OSBPL6: variants seen among roughly 807,000 people sequenced by gnomAD.
OSBPL6 encodes oxysterol-binding protein-related protein 6.
A neutral mutation model predicts 125.8 loss-of-function variants in OSBPL6; 49 were observed. That is an observed-to-expected ratio of 0.39 (90% CI 0.31 to 0.49). OSBPL6 has a LOEUF of 0.49. Ranked by LOEUF, OSBPL6 falls within the 20% of genes least tolerant of loss-of-function variation. OSBPL6 has a pLI of 0.88. For synonymous variants in OSBPL6, 394 were observed against 391.8 expected, an observed-to-expected ratio of 1.01 and a Z score of -0.07; for missense variants, 986 against 1,135.4, an observed-to-expected ratio of 0.87 and a Z score of 1.89.
chr2:178,292,761 C>G (rs1445541565), intron 2 of OSBPL6, among the ~76,000 whole-genome samples: 1 of 152,056 alleles, frequency 6.6e-6, no homozygotes, highest in Non-Finnish European at 1.5e-5. Flanking sequence ...TCTCTGGAGA[C>G]AGACAGTAAG....
At chr2:178,280,531 G>T (rs973730412) in intron 1 of OSBPL6, among the ~76,000 whole-genome samples, 1 of 152,110 alleles carries the variant, frequency 6.6e-6, no homozygotes, top group Non-Finnish European at 1.5e-5. Context: ...CAGAATATTC[G>T]CATGAACATT....
chr2:178,217,941 G>T (rs186580231), intron 1 of OSBPL6, among the ~76,000 whole-genome samples: 2 of 152,178 alleles, frequency 1.3e-5, no homozygotes, highest in Non-Finnish European at 2.9e-5. Context: ...GAGGACTTCC[G>T]TGTCCTCACT....
intron 4 of OSBPL6, among the ~76,000 whole-genome samples, chr2:178,326,026 A>G (rs538850004): frequency 3.3e-5 from 5 of 152,204 alleles, no homozygotes; most frequent in African/African-American, 1.2e-4. Flanking sequence ...AGAGGGCCAT[A>G]TCTAACCCAG....
At chr2:178,312,005 G>A (rs1478971041) in intron 3 of OSBPL6, among the ~76,000 whole-genome samples, 1 of 152,092 alleles carries the variant, frequency 6.6e-6, no homozygotes, top group African/African-American at 2.4e-5. Flanking sequence ...AAATTGAAAT[G>A]GCGTCTTAGT....
chr2:178,273,238 T>C (rs369651191), intron 1 of OSBPL6, among the ~76,000 whole-genome samples: 2 of 152,186 alleles, frequency 1.3e-5, no homozygotes, highest in African/African-American at 2.4e-5. Flanking sequence ...GGATCTCTAA[T>C]AGTAGGCTAA....
rs201891138 is a variant in OSBPL6, at chr2:178,332,990, G to A, written c.606G>A (p.Thr202=). Residue 202 remains threonine (T), a synonymous_variant, in exon 8 of 25, where the codon ACG becomes ACA. Coordinates refer to ENST00000190611, the MANE Select transcript of OSBPL6 (RefSeq NM_032523.4). ...CTAGTTTTCACATATTTCCTTCAACGTCCACAGCTGAATCCTCACCAGCTG... is the reference window on the plus strand; with the variant it reads ...CTAGTTTTCACATATTTCCTTCAACATCCACAGCTGAATCCTCACCAGCTG... The part of the protein sequence containing the change: ...RDASFHIFPS[T]STAESSPAAN... 65 of 1,614,100 alleles carry A rather than the reference G, an allele frequency of 4.0e-5. No individual in the cohort carries two copies. In the Admixed American group the frequency reaches 4.7e-4, roughly 12 times the overall value.
At position 178,398,645 on chromosome 2, in the gene OSBPL6, T is replaced by G. The variant is rs538403906; in HGVS notation, c.*3086T>G. The G allele has an allele frequency of 1.3e-5, 2 of 152,358 alleles. No individual in the cohort carries two copies. Among genetic ancestry groups the G allele is most frequent in the South Asian group, 4.1e-4 (2 of 4,832 alleles). 9.4% of individuals were successfully genotyped at this position (152,358 alleles called of 1,614,324 possible). On this transcript the variant is annotated 3_prime_UTR_variant, in exon 25 of 25. Transcript: ENST00000190611. ...AAATAAACCTTATTTAAGATAACTT[T>G]TAATGGTACATATCAACTATATGTG...
rs893789532 is a variant in OSBPL6, at chr2:178,209,114, C to A, written c.-351+14440C>A. Among the ~76,000 whole-genome samples the A allele has an allele frequency of 4.6e-5, 7 of 152,244 alleles. No individual in the cohort carries two copies. The East Asian group carries it at 1.3e-3, about 29-fold the overall frequency. On this transcript the variant is annotated intron_variant, in intron 1 of 24. Coordinates refer to ENST00000190611, the MANE Select transcript of OSBPL6 (RefSeq NM_032523.4). Reference sequence around the variant, plus strand: ...CAATCTTTTGTCCGTCTTTGGTGTGCCGTTTCAGTCTGGAAAATTAAGGTC... The same window carrying A: ...CAATCTTTTGTCCGTCTTTGGTGTGACGTTTCAGTCTGGAAAATTAAGGTC...
At chr2:178,306,496 C>A (rs188019714) in intron 3 of OSBPL6, among the ~76,000 whole-genome samples, 12 of 152,302 alleles carry the variant, frequency 7.9e-5, no homozygotes, top group Admixed American at 7.2e-4. Flanking sequence ...AGAAGGCAGA[C>A]ACAGAAGGCT....
At chr2:178,301,880 T>C (rs1406556962) in intron 2 of OSBPL6, among the ~76,000 whole-genome samples, 1 of 152,116 alleles carries the variant, frequency 6.6e-6, no homozygotes, top group Non-Finnish European at 1.5e-5. Context: ...GACATGTAAA[T>C]GAGCTAAAAA....
chr2:178,265,293 C>A lies in OSBPL6; in HGVS notation c.-350-19634C>A, dbSNP rs541286626. 2.1e-5 allele frequency among the ~76,000 whole-genome samples: 3 copies of A among 139,608 alleles called. No individual in the cohort carries two copies. The South Asian group carries it at 7.3e-4, about 34-fold the overall frequency. 91.6% of individuals were successfully genotyped at this position (139,608 alleles called of 152,430 possible). A position where few individuals can be genotyped will look rare whatever the true frequency, so the allele number is the denominator to read the frequency against. On this transcript the variant is annotated intron_variant, in intron 1 of 24. Coordinates refer to ENST00000190611, the MANE Select transcript of OSBPL6 (RefSeq NM_032523.4). ...GTGGTACACTCATGGCTCACTGTAG[C>A]CTCAACCTTCTGGGCTCAAGTGATC... is the stretch of plus-strand genomic sequence containing the variant.
intron 22 of OSBPL6, 38 bp from the exon 23 acceptor site, chr2:178,392,374 C>G (rs753797242): frequency 1.9e-6 from 3 of 1,610,002 alleles, no homozygotes; most frequent in Non-Finnish European, 1.7e-6. Context: ...TTCCATAAAC[C>G]TTCTGCCTCT....
At chr2:178,213,640 CATGTCACT>C (rs2089967348) in intron 1 of OSBPL6, among the ~76,000 whole-genome samples, 1 of 152,228 alleles carries the variant, frequency 6.6e-6, no homozygotes, top group South Asian at 2.1e-4. Flanking sequence ...CAAGTCTGAT[CATGTCACT>C]ATGTGCTTAA....
At chr2:178,276,153 C>G (rs1456429303) in intron 1 of OSBPL6, among the ~76,000 whole-genome samples, 2 of 152,082 alleles carry the variant, frequency 1.3e-5, no homozygotes, top group African/African-American at 4.8e-5. Flanking sequence ...GAAATATGAT[C>G]TGAGACTTTC....
intron 2 of OSBPL6, among the ~76,000 whole-genome samples, chr2:178,304,883 T>A (rs1686623871): frequency 6.6e-6 from 1 of 152,178 alleles, no homozygotes; most frequent in Admixed American, 6.5e-5. Context: ...AACCGCTCAT[T>A]CTTTGGACCT....
At chr2:178,225,087 G>T (rs954515750) in intron 1 of OSBPL6, among the ~76,000 whole-genome samples, 1 of 151,612 alleles carries the variant, frequency 6.6e-6, no homozygotes, top group African/African-American at 2.4e-5. Flanking sequence ...TGCCAGGACG[G>T]CTATTATGAC....
intron 1 of OSBPL6, among the ~76,000 whole-genome samples, chr2:178,210,708 A>G (rs1035267859): frequency 2.6e-5 from 4 of 151,974 alleles, no homozygotes; most frequent in African/African-American, 9.7e-5. Flanking sequence ...GCTACTTGGG[A>G]GGCTGAGGCA....
At chr2:178,378,261 A>G (rs968510367) in intron 15 of OSBPL6, among the ~76,000 whole-genome samples, 4 of 152,168 alleles carry the variant, frequency 2.6e-5, no homozygotes, top group African/African-American at 4.8e-5. Context: ...TCATGAAGGC[A>G]GAGATTTAAC....
intron 1 of OSBPL6, among the ~76,000 whole-genome samples, chr2:178,254,800 A>G (rs1486294914): frequency 6.6e-6 from 1 of 152,170 alleles, no homozygotes; most frequent in Non-Finnish European, 1.5e-5. Flanking sequence ...GTTGTTTTAT[A>G]CTGCTCACTC....
Sources: allele counts gnomAD v4.1 joint callset (sites outside exome capture counted in the v4.1 genomes callset), GRCh38; gene constraint gnomAD v4.1.1; transcripts MANE v1.5; gene names NCBI Gene and HGNC (gene_info 2026-07-23, HGNC 2026-07-21).